The following CFAP61 variants were observed in gnomAD, a reference collection of about 807,000 sequenced individuals.
CFAP61 encodes cilia- and flagella-associated protein 61.
In CFAP61, 107 loss-of-function variants were observed where a neutral mutation model predicts 135.6. That is an observed-to-expected ratio of 0.79 (90% CI 0.67 to 0.93). The LOEUF is 0.93. Among genes scored for constraint, CFAP61 ranks in the 40% least tolerant of loss-of-function variants. The pLI, the probability that CFAP61 is intolerant of heterozygous loss-of-function variation, is 0.00. For synonymous variants in CFAP61, 575 were observed against 578.5 expected, an observed-to-expected ratio of 0.99 and a Z score of 0.09; for missense variants, 1,507 against 1,556.2, an observed-to-expected ratio of 0.97 and a Z score of 0.53.
chr20:20,121,055 G>A (rs1257018452), intron 8 of CFAP61, among the ~76,000 whole-genome samples: 1 of 150,830 alleles, frequency 6.6e-6, no homozygotes, highest in Non-Finnish European at 1.5e-5. Context: ...GCATATAGTT[G>A]GGTCTTGCTT....
intron 6 of CFAP61, among the ~76,000 whole-genome samples, chr20:20,078,289 T>C (rs554380316): frequency 6.6e-6 from 1 of 152,294 alleles, no homozygotes; most frequent in Admixed American, 6.5e-5. Context: ...AGGAGTCCAT[T>C]CCATTGGTTT....
At chr20:20,220,316 C>A (rs1271074202) in intron 17 of CFAP61, 1 of 152,232 alleles carries the variant, frequency 6.6e-6, no homozygotes, top group South Asian at 2.1e-4. Flanking sequence ...CTGTGCTTTT[C>A]CCCCTGCCAT....
chr20:20,186,630 C>A (rs2055520611), intron 13 of CFAP61, among the ~76,000 whole-genome samples: 1 of 152,102 alleles, frequency 6.6e-6, no homozygotes, highest in Admixed American at 6.5e-5. Flanking sequence ...AAGTTCTTAT[C>A]TTTCACTTAA....
intron 17 of CFAP61, among the ~76,000 whole-genome samples, chr20:20,202,520 T>G (rs1378456587): frequency 2.0e-5 from 3 of 152,218 alleles, no homozygotes; most frequent in African/African-American, 7.2e-5. Flanking sequence ...AAATGCTAAA[T>G]TATATTATTA....
chr20:20,210,116 C>G (rs760835327), intron 17 of CFAP61, among the ~76,000 whole-genome samples: 11 of 152,196 alleles, frequency 7.2e-5, no homozygotes, highest in Non-Finnish European at 1.5e-4. Flanking sequence ...TCAGCCATCT[C>G]CACTGGACTC....
intron 13 of CFAP61, among the ~76,000 whole-genome samples, chr20:20,178,278 A>G (rs1429567074): frequency 6.6e-6 from 1 of 152,218 alleles, no homozygotes; most frequent in Non-Finnish European, 1.5e-5. Flanking sequence ...GATAAATTAA[A>G]TGCTTCCTTT....
Position 20,187,996 on chromosome 20 carries a change from C to T in CFAP61, c.1452C>T (p.Leu484=). ...GTGTGGAAAATCTTGTCAGCACCCT[C>T]ATGTTGAATAAAAGCATATTGGAGG... The part of the protein sequence containing the change: ...TPGVENLVST[L]MLNKSILEDL... Residue 484 remains leucine (L), a synonymous_variant, in exon 14 of 27, where the codon CTC becomes CTT. Transcript: ENST00000245957. The T allele has an allele frequency of 6.2e-7, 1 of 1,613,902 alleles. No individual in the cohort carries two copies. The highest frequency in any genetic ancestry group is 8.5e-7 in the Non-Finnish European group (1 of 1,179,742).
At chr20:20,059,243 G>T (rs189952804) in intron 2 of CFAP61, among the ~76,000 whole-genome samples, 1 of 133,766 alleles carries the variant, frequency 7.5e-6, no homozygotes, top group Non-Finnish European at 1.5e-5. Context: ...CAGGAGAATC[G>T]CTTGAACCCA....
At chr20:20,278,687 A>G (rs528473115) in intron 22 of CFAP61, among the ~76,000 whole-genome samples, 19 of 152,284 alleles carry the variant, frequency 1.2e-4, no homozygotes, top group African/African-American at 4.3e-4. Flanking sequence ...AGGATTGAGA[A>G]TGGTGGCTCT....
chr20:20,111,411 C>T (rs748610138), intron 8 of CFAP61, among the ~76,000 whole-genome samples: 2 of 152,096 alleles, frequency 1.3e-5, no homozygotes, highest in East Asian at 1.9e-4. Context: ...CTGGGCCTGC[C>T]GGGAAGTAGC....
chr20:20,249,573 G>A (rs2050731040), intron 19 of CFAP61, among the ~76,000 whole-genome samples: 1 of 152,062 alleles, frequency 6.6e-6, no homozygotes, highest in Non-Finnish European at 1.5e-5. Flanking sequence ...GTAACATATT[G>A]TAACAGCAAT....
intron 22 of CFAP61, among the ~76,000 whole-genome samples, chr20:20,286,338 G>A (rs993333025): frequency 6.6e-6 from 1 of 152,224 alleles, no homozygotes; most frequent in Non-Finnish European, 1.5e-5. Context: ...GGCTCTCAAG[G>A]CAGACTTTCC....
rs143344562 is a variant in CFAP61, at chr20:20,115,643, A to G, written c.859+16829A>G. ...AACCACCAATCTACTCTCCACCTTC[A>G]TAGATCCATTTTTTTAGCTCCCATA... On this transcript the variant is annotated intron_variant, in intron 8 of 26. Coordinates refer to ENST00000245957, the MANE Select transcript of CFAP61 (RefSeq NM_015585.4). Among the ~76,000 whole-genome samples, 1,159 of 152,156 alleles carry G rather than the reference A, an allele frequency of 7.6e-3. 9 individuals carry two copies. The highest frequency in any genetic ancestry group is 0.026 in the African/African-American group (1,089 of 41,520).
At chr20:20,340,961 T>C (rs533403904) in intron 25 of CFAP61, among the ~76,000 whole-genome samples, 1 of 152,182 alleles carries the variant, frequency 6.6e-6, no homozygotes, top group Admixed American at 6.5e-5. Context: ...CCTGGGACAC[T>C]TTACCTCCAT....
chr20:20,181,524 G>A (rs1211480320), intron 13 of CFAP61, among the ~76,000 whole-genome samples: 2 of 152,120 alleles, frequency 1.3e-5, no homozygotes, highest in East Asian at 1.9e-4. Context: ...TCAAGAAGGG[G>A]CCACTTTGGG....
At chr20:20,195,482 G>A (rs936545565) in intron 15 of CFAP61, among the ~76,000 whole-genome samples, 4 of 152,010 alleles carry the variant, frequency 2.6e-5, no homozygotes, top group African/African-American at 9.7e-5. Context: ...CTCCCCCCAC[G>A]CTCCTGACAG....
In CFAP61 at chr20:20,277,170, T is replaced by C. The variant is rs750448409; in HGVS notation, c.2508T>C (p.Asn836=). 1.1e-5 allele frequency: 17 copies of C among 1,601,370 alleles called. No homozygotes were observed. Among genetic ancestry groups the C allele is most frequent in the Non-Finnish European group, 1.4e-5 (16 of 1,170,356 alleles). The change falls in exon 22 of 27, where the codon AAT becomes AAC. Residue 836 remains asparagine (N), a synonymous_variant. Transcript: ENST00000245957. ...GCGTTTTCCCTTCTTTCCTAGGGAATATCATTGTCTATGGGAATACAATTG... is the reference window on the plus strand; with the variant it reads ...GCGTTTTCCCTTCTTTCCTAGGGAACATCATTGTCTATGGGAATACAATTG... The part of the protein sequence containing the change: ...IRNNSITTEG[N]IIVYGNTIDT...
At chr20:20,149,457 A>G (rs993529101) in intron 9 of CFAP61, among the ~76,000 whole-genome samples, 7 of 152,352 alleles carry the variant, frequency 4.6e-5, no homozygotes, top group South Asian at 2.1e-4. Flanking sequence ...AGGAAAACCA[A>G]AAGAAACCAC....
chr20:20,139,150 A>T (rs908763094), intron 8 of CFAP61, among the ~76,000 whole-genome samples: 1 of 152,340 alleles, frequency 6.6e-6, no homozygotes, highest in African/African-American at 2.4e-5. Flanking sequence ...CTCAACATGT[A>T]TTATTTTGCA....
Sources: gnomAD v4.1 joint callset for allele counts (sites outside exome capture counted in the v4.1 genomes callset) on GRCh38, gnomAD v4.1.1 for gene constraint, MANE v1.5 for transcripts, NCBI Gene and HGNC (gene_info 2026-07-23, HGNC 2026-07-21) for gene names.